The following PRKCB variants were observed in gnomAD, a reference collection of about 807,000 sequenced individuals.
PRKCB encodes protein kinase C beta type.
Under a neutral mutation model 81.5 loss-of-function variants are expected in PRKCB, and 13 were observed. The ratio of observed to expected loss-of-function variants is 0.16; its 90% confidence interval spans 0.10 to 0.25. PRKCB has a LOEUF of 0.25. Among genes scored for constraint, PRKCB ranks in the 10% least tolerant of loss-of-function variants. The pLI, the probability that PRKCB is intolerant of heterozygous loss-of-function variation, is 1.00. For synonymous variants in PRKCB, 335 were observed against 321.4 expected, an observed-to-expected ratio of 1.04 and a Z score of -0.45; for missense variants, 509 against 875.7, an observed-to-expected ratio of 0.58 and a Z score of 5.29.
intron 13 of PRKCB, among the ~76,000 whole-genome samples, chr16:24,184,852 T>C (rs759074451): frequency 1.3e-5 from 2 of 152,212 alleles, no homozygotes; most frequent in Non-Finnish European, 2.9e-5. Context: ...GTTTTTCCTT[T>C]TAAAAATTCC....
chr16:23,942,259 A>G (rs1483738915), intron 2 of PRKCB, among the ~76,000 whole-genome samples: 1 of 152,250 alleles, frequency 6.6e-6, no homozygotes, highest in East Asian at 1.9e-4. Flanking sequence ...TTAACCATGG[A>G]TTGGCAATCT....
chr16:23,968,885 G>C (rs997800143), intron 2 of PRKCB, among the ~76,000 whole-genome samples: 4 of 152,126 alleles, frequency 2.6e-5, no homozygotes, highest in African/African-American at 9.7e-5. Flanking sequence ...CCGTTTCTAG[G>C]AGCTAAAGGT....
chr16:24,170,446 G>A (rs1967424895), intron 10 of PRKCB, among the ~76,000 whole-genome samples: 1 of 152,088 alleles, frequency 6.6e-6, no homozygotes, highest in South Asian at 2.1e-4. Context: ...GAGAACATAA[G>A]AGGGACTTCA....
At chr16:24,108,941 G>A (rs1403980575) in intron 7 of PRKCB, among the ~76,000 whole-genome samples, 8 of 143,812 alleles carry the variant, frequency 5.6e-5, no homozygotes, top group African/African-American at 1.1e-4. Flanking sequence ...GGGCAGAGGC[G>A]CCCCTCACTT....
rs149247075 is a variant in PRKCB, at chr16:24,075,629, A to G, written c.530-17162A>G. ...TTAAGCAACTCTTAAACAAAAGCCT[A>G]TGATTCTAATGTCAGAAATCCTATC... On this transcript the variant is annotated intron_variant, in intron 5 of 16. Transcript: ENST00000643927. Among the ~76,000 whole-genome samples, 844 of 152,342 alleles carry G rather than the reference A, an allele frequency of 5.5e-3. 5 individuals carry two copies. Among genetic ancestry groups the G allele is most frequent in the Non-Finnish European group, 8.1e-3 (551 of 68,032 alleles).
At chr16:24,004,554 C>G (rs1014189712) in intron 3 of PRKCB, among the ~76,000 whole-genome samples, 1 of 151,218 alleles carries the variant, frequency 6.6e-6, no homozygotes, top group Admixed American at 6.6e-5. Flanking sequence ...ACTCAGGAGG[C>G]TGATGTGGGA....
At chr16:23,840,744 A>G (rs7404078) in intron 2 of PRKCB, among the ~76,000 whole-genome samples, 117,166 of 152,090 alleles carry the variant, frequency 0.77, 45,261 homozygotes, top group African/African-American at 0.81. Flanking sequence ...GGACACTGCT[A>G]TGGGTTGGGA....
chr16:23,897,098 G>A (rs1055742322), intron 2 of PRKCB, among the ~76,000 whole-genome samples: 13 of 152,162 alleles, frequency 8.5e-5, no homozygotes, highest in Admixed American at 3.9e-4. Flanking sequence ...AATAATACAA[G>A]CACCTCCTGG....
At chr16:23,921,127 A>G (rs1963818958) in intron 2 of PRKCB, among the ~76,000 whole-genome samples, 1 of 152,190 alleles carries the variant, frequency 6.6e-6, no homozygotes, top group South Asian at 2.1e-4. Flanking sequence ...ACCTAGCCCC[A>G]CCCTTGACAT....
intron 2 of PRKCB, among the ~76,000 whole-genome samples, chr16:23,877,413 C>G (rs1963032855): frequency 6.6e-6 from 1 of 152,144 alleles, no homozygotes; most frequent in Non-Finnish European, 1.5e-5. Context: ...GGGGAAGGAG[C>G]TTCTGATTGT....
intron 16 of PRKCB, 195 bp downstream of exon 16, chr16:24,191,425 A>G: frequency 1.8e-6 from 1 of 554,872 alleles, no homozygotes; most frequent in Non-Finnish European, 3.0e-6. Context: ...CTTAGTCTCT[A>G]TAAAGATGGA....
At chr16:23,912,752 A>G (rs532683648) in intron 2 of PRKCB, among the ~76,000 whole-genome samples, 1 of 151,030 alleles carries the variant, frequency 6.6e-6, no homozygotes, top group Non-Finnish European at 1.5e-5. Context: ...ACCTCAGGTG[A>G]TCCACCCTCT....
intron 2 of PRKCB, among the ~76,000 whole-genome samples, chr16:23,980,031 G>A (rs1964674261): frequency 6.6e-6 from 1 of 152,230 alleles, no homozygotes; most frequent in Non-Finnish European, 1.5e-5. Flanking sequence ...GCTACAGTGA[G>A]CTGTGATTGC....
chr16:24,119,073 A>G (rs1966767208), intron 8 of PRKCB, among the ~76,000 whole-genome samples: 1 of 152,098 alleles, frequency 6.6e-6, no homozygotes, highest in Non-Finnish European at 1.5e-5. Flanking sequence ...AACTAATTAA[A>G]TATTAAAATG....
At position 24,184,738 on chromosome 16, in the gene PRKCB, G is replaced by A. The variant is rs140050944; in HGVS notation, c.1534-373G>A. 5.4e-3 allele frequency among the ~76,000 whole-genome samples: 822 copies of A among 152,166 alleles called. 3 individuals are homozygous for A. The highest frequency in any genetic ancestry group is 0.018 in the African/African-American group (762 of 41,500). ...TAATTATGTTTTAAAAACATGTAAC[G>A]TAAAATTTACTATTTTAACCAGTTC... On this transcript the variant is annotated intron_variant, in intron 13 of 16. Transcript: ENST00000643927.
chr16:24,162,965 A>T (rs1224132309), intron 10 of PRKCB, among the ~76,000 whole-genome samples: 1 of 152,166 alleles, frequency 6.6e-6, no homozygotes, highest in African/African-American at 2.4e-5. Context: ...TCTAGAATAG[A>T]TTTCTAGGTT....
At chr16:24,213,006 ATATTTATTTATTTATTTATT>A (rs113357248) in intron 16 of PRKCB, among the ~76,000 whole-genome samples, 11 of 143,816 alleles carry the variant, frequency 7.6e-5, no homozygotes, top group Admixed American at 2.8e-4. Context: ...CCGTACTTGT[ATATTTATTTATTTATTTATT>A]TATTTATTTA....
chr16:24,136,289 C>G (rs1328560227), intron 9 of PRKCB, among the ~76,000 whole-genome samples: 1 of 152,100 alleles, frequency 6.6e-6, no homozygotes, highest in African/African-American at 2.4e-5. Flanking sequence ...TAAATTATAT[C>G]AAGGAAAATG....
intron 3 of PRKCB, among the ~76,000 whole-genome samples, chr16:24,021,036 C>CTTTA (rs1421407329): frequency 3.8e-4 from 53 of 138,678 alleles, no homozygotes; most frequent in African/African-American, 1.5e-3. Flanking sequence ...TTCTTTCTTT[C>CTTTA]TTTCTCTTTC....
Sources: allele counts gnomAD v4.1 joint callset (sites outside exome capture counted in the v4.1 genomes callset), GRCh38; gene constraint gnomAD v4.1.1; transcripts MANE v1.5; gene names NCBI Gene and HGNC (gene_info 2026-07-23, HGNC 2026-07-21).